RAB27A: variants seen among roughly 807,000 people sequenced by gnomAD.
RAB27A encodes ras-related protein Rab-27A.
A neutral mutation model predicts 20.8 loss-of-function variants in RAB27A; 17 were observed. The ratio of observed to expected loss-of-function variants is 0.82; its 90% CI spans 0.56 to 1.23. RAB27A has a LOEUF of 1.23. Ranked by LOEUF, RAB27A falls within the 50% of genes most tolerant of loss-of-function variation. The probability of loss-of-function intolerance (pLI) is 0.00; values close to 1 mark genes in which losing one functional copy is unlikely to be tolerated. For missense variants in RAB27A, 277 were observed against 266.7 expected, an observed-to-expected ratio of 1.04 and a Z score of -0.27; for synonymous variants, 85 against 92.8, an observed-to-expected ratio of 0.92 and a Z score of 0.48.
intron 2 of RAB27A, among the ~76,000 whole-genome samples, chr15:55,264,814 G>A (rs1378593848): frequency 6.6e-6 from 1 of 152,168 alleles, no homozygotes; most frequent in African/African-American, 2.4e-5. Context: ...TAGCTCATGA[G>A]CACATCAATT....
At chr15:55,280,897 C>T (rs1897999945) in intron 1 of RAB27A, among the ~76,000 whole-genome samples, 1 of 152,122 alleles carries the variant, frequency 6.6e-6, no homozygotes, top group Admixed American at 6.5e-5. Context: ...TTTCTTAATC[C>T]AGTCTATCAT....
chr15:55,218,162 G>C (rs1895402173), intron 6 of RAB27A, among the ~76,000 whole-genome samples: 1 of 152,306 alleles, frequency 6.6e-6, no homozygotes, highest in Non-Finnish European at 1.5e-5. Flanking sequence ...TGTAGATCTA[G>C]AAATTATGAA....
intron 2 of RAB27A, among the ~76,000 whole-genome samples, chr15:55,245,677 C>A (rs1167953834): frequency 6.6e-6 from 1 of 152,230 alleles, no homozygotes. Context: ...TATAAATGCA[C>A]TTGCTACATA....
At chr15:55,290,692 C>T, upstream of RAB27A, among the ~76,000 whole-genome samples, 1 of 152,194 alleles carries the variant, frequency 6.6e-6, no homozygotes, top group East Asian at 1.9e-4. Flanking sequence ...CCTGGGACTG[C>T]GTAGGGGGTC....
chr15:55,246,208 A>AGAC (rs1896679110), intron 2 of RAB27A, among the ~76,000 whole-genome samples: 1 of 152,104 alleles, frequency 6.6e-6, no homozygotes, highest in Non-Finnish European at 1.5e-5. Flanking sequence ...TTAAAGAGAA[A>AGAC]GACCAGGATG....
At chr15:55,311,570 A>T (rs1420153136) in intron 2 of RAB27A, among the ~76,000 whole-genome samples, 1 of 152,096 alleles carries the variant, frequency 6.6e-6, no homozygotes, top group Admixed American at 6.5e-5. Flanking sequence ...TTTTTACATA[A>T]TTGTGAGTTG....
At chr15:55,305,196 C>T (rs28852495) in intron 2 of RAB27A, among the ~76,000 whole-genome samples, 72,792 of 152,084 alleles carry the variant, frequency 0.48, 20,919 homozygotes, top group African/African-American at 0.79. Context: ...ATCCAGCTAG[C>T]CCTGTCTCTC....
intron 2 of RAB27A, among the ~76,000 whole-genome samples, chr15:55,241,624 A>ATATATATATACATATGTGTGTG (rs377301086): frequency 8.5e-6 from 1 of 117,664 alleles, no homozygotes; most frequent in African/African-American, 4.4e-5. Flanking sequence ...ATATATATAT[A>ATATATATATACATATGTGTGTG]TGTGTGTATA....
intron 1 of RAB27A, among the ~76,000 whole-genome samples, chr15:55,274,972 C>T (rs973372505): frequency 3.3e-5 from 5 of 150,650 alleles, no homozygotes; most frequent in Admixed American, 2.6e-4. Flanking sequence ...ATAATCCAGT[C>T]GGGCGCAGTG....
chr15:55,213,119 C>T (rs533200113), intron 6 of RAB27A, among the ~76,000 whole-genome samples: 5 of 152,272 alleles, frequency 3.3e-5, no homozygotes, highest in South Asian at 4.1e-4. Context: ...AGGAATCTAA[C>T]CAAAATGTTC....
upstream of RAB27A, among the ~76,000 whole-genome samples, chr15:55,291,311 C>G (rs1484721833): frequency 6.6e-6 from 1 of 151,958 alleles, no homozygotes; most frequent in Non-Finnish European, 1.5e-5. Flanking sequence ...GAGATCGAGA[C>G]CATCCTGGCT....
At chr15:55,208,139 GAATA>G (rs1363588213) in intron 6 of RAB27A, among the ~76,000 whole-genome samples, 3 of 152,122 alleles carry the variant, frequency 2.0e-5, no homozygotes, top group Admixed American at 6.5e-5. Context: ...ATAAGCGCAT[GAATA>G]GTGATATTTT....
intron 6 of RAB27A, among the ~76,000 whole-genome samples, chr15:55,222,668 A>T (rs1183516303): frequency 6.6e-6 from 1 of 152,040 alleles, no homozygotes; most frequent in African/African-American, 2.4e-5. Context: ...ACCTCCATCA[A>T]CCAAAGAAAG....
At chr15:55,269,459 C>T (rs1392065312) in intron 2 of RAB27A, among the ~76,000 whole-genome samples, 1 of 152,106 alleles carries the variant, frequency 6.6e-6, no homozygotes, top group Non-Finnish European at 1.5e-5. Context: ...ACTATTAACA[C>T]TTTTAGGCCG....
chr15:55,295,805 A>G (rs1272001814), intron 2 of RAB27A, among the ~76,000 whole-genome samples: 1 of 152,204 alleles, frequency 6.6e-6, no homozygotes, highest in East Asian at 1.9e-4. Context: ...GTGAATGTAC[A>G]AAATGTCACA....
intron 2 of RAB27A, among the ~76,000 whole-genome samples, chr15:55,301,472 T>C (rs2054971600): frequency 6.6e-6 from 1 of 151,918 alleles, no homozygotes; most frequent in South Asian, 2.1e-4. Flanking sequence ...CCCTTAAAAG[T>C]GTACAATTCA....
rs1425769602 is a variant in RAB27A at position 55,204,137 on chromosome 15, T to A, written c.*1370A>T. 1 of 152,230 alleles carries A rather than the reference T, an allele frequency of 6.6e-6. No homozygotes were observed. Among genetic ancestry groups the A allele is most frequent in the Non-Finnish European group, 1.5e-5 (1 of 68,042 alleles). 9.4% of individuals were successfully genotyped at this position (152,230 alleles called of 1,614,324 possible). On this transcript the variant is annotated 3_prime_UTR_variant, in exon 7 of 7. Transcript: ENST00000336787. ...TTATGGTGAGTGATATTTCTTCCTA[T>A]ATAGCCATTAAGATCTCTGGAAGTT...
chr15:55,310,544 A>G (rs994765741), intron 2 of RAB27A, among the ~76,000 whole-genome samples: 2 of 152,168 alleles, frequency 1.3e-5, no homozygotes, highest in African/African-American at 2.4e-5. Context: ...GTGTCCTTGT[A>G]GACCGCACTG....
At chr15:55,277,881 G>A (rs138157389) in intron 1 of RAB27A, among the ~76,000 whole-genome samples, 79 of 152,248 alleles carry the variant, frequency 5.2e-4, no homozygotes, top group African/African-American at 1.7e-3. Context: ...CATGCATCCC[G>A]GGAAACCATA....
Sources: gnomAD v4.1 joint callset for allele counts (sites outside exome capture counted in the v4.1 genomes callset) on GRCh38, gnomAD v4.1.1 for gene constraint, MANE v1.5 for transcripts, NCBI Gene and HGNC (gene_info 2026-07-23, HGNC 2026-07-21) for gene names.